Variants in MYO1C observed in about 807,000 individuals in gnomAD.
MYO1C encodes the protein unconventional myosin-Ic.
A neutral mutation model predicts 150.8 loss-of-function variants in MYO1C; 104 were observed. The observed-to-expected ratio is 0.69, with a 90% CI of 0.59 to 0.81. The LOEUF is 0.81. Ranked by LOEUF, MYO1C falls within the 30% of genes least tolerant of loss-of-function variation. The probability of loss-of-function intolerance (pLI) is 0.00; values close to 1 mark genes in which losing one functional copy is unlikely to be tolerated. For synonymous variants in MYO1C, 663 were observed against 579.9 expected (o/e 1.14, Z -2.06); for missense variants, 1,504 against 1,435.0 (o/e 1.05, Z -0.78).
In MYO1C at chr17:1,490,804, C is replaced by T. The variant is rs188729253; in HGVS notation, c.75+1609G>A. On this transcript the variant is annotated intron_variant, in intron 1 of 31. Coordinates refer to ENST00000648651, the MANE Select transcript of MYO1C (RefSeq NM_001080779.2). ...CTGCATTCCGATGTGCCAGATGGCC[C>T]GCTCCAGTCCCCTCTCCCCCCACCC... 1,111 of 150,216 alleles carry T rather than the reference C, an allele frequency of 7.4e-3. 8 individuals carry two copies. Among genetic ancestry groups the T allele is most frequent in the East Asian group, 0.011 (57 of 5,104 alleles). The allele number at this position is 150,216 out of a possible 1,614,324, so 9.3% of individuals were successfully genotyped here.
intron 17 of MYO1C, among the ~76,000 whole-genome samples, chr17:1,473,631 C>T (rs527272772): frequency 1.3e-5 from 2 of 152,290 alleles, no homozygotes; most frequent in East Asian, 3.9e-4. Context: ...GCCCAACAGC[C>T]GTACCTCCGC....
Position 1,464,404 on chromosome 17 carries a change from A to G in MYO1C, c.*1322T>C, listed in dbSNP as rs1372161411. The stretch of plus-strand genomic sequence containing the variant: ...ATGCCAGGGAGGGGTCAGGGGCCAG[A>G]AAAGGCCCTACATCCTTGAGTGGGG... On this transcript the variant is annotated 3_prime_UTR_variant, in exon 32 of 32. Transcript: ENST00000648651. 6.6e-6 allele frequency: 1 copy of G among 152,668 alleles called. No homozygotes were observed. Among genetic ancestry groups the G allele is most frequent in the Non-Finnish European group, 1.5e-5 (1 of 68,090 alleles). The allele number at this position is 152,668 out of a possible 1,614,324, so 9.5% of individuals were successfully genotyped here. A position where few individuals can be genotyped will look rare whatever the true frequency, so the allele number is the denominator to read the frequency against.
At position 1,470,676 on chromosome 17, in the gene MYO1C, T is replaced by C; in HGVS notation, c.2226A>G (p.Gln742=). ...VRRQSLATKI[Q]AAWRGFHWRQ... ...GCCAGTGAAAGCCCCTCCAGGCAGC[T>C]TGGATCTTTGTGGCTGCGGTTGGGA... Residue 742 remains glutamine (Q), a synonymous_variant, in exon 22 of 32, where the codon CAA becomes CAG. Transcript: ENST00000648651. The C allele has an allele frequency of 6.2e-7, 1 of 1,606,634 alleles. No homozygotes were observed. Among genetic ancestry groups the C allele is most frequent in the Non-Finnish European group, 8.5e-7 (1 of 1,179,572 alleles).
chr17:1,467,859 C>T lies in MYO1C; in HGVS notation c.2948G>A (p.Arg983His), dbSNP rs148704738. 1.4e-5 allele frequency: 23 copies of T among 1,608,160 alleles called. No homozygotes were observed. Among genetic ancestry groups the T allele is most frequent in the Middle Eastern group, 1.6e-4 (1 of 6,074 alleles). The change falls in exon 29 of 32, where the codon CGT becomes CAT. Residue 983 changes from arginine to histidine, a missense_variant. By Grantham distance (29) the Arg-to-His change is conservative. Transcript: ENST00000648651. Reference sequence around the variant, plus strand: ...AGGCACCTTTTGCTTATTGTCCGCACGCTGTACATGAAGCACAAAAAGACT... The same window carrying T: ...AGGCACCTTTTGCTTATTGTCCGCATGCTGTACATGAAGCACAAAAAGACT... ...SDSLFVLHVQRADNKQKGDVV... is the reference protein window; with the variant it reads ...SDSLFVLHVQHADNKQKGDVV...
intron 30 of MYO1C, 65 bp from the exon 31 acceptor site, chr17:1,467,406 C>A (rs1219141539): frequency 6.3e-7 from 1 of 1,595,528 alleles, no homozygotes; most frequent in East Asian, 2.3e-5. Flanking sequence ...AGGTGGACCC[C>A]CACCCTGTCC....
rs898963529 is a variant in MYO1C, at chr17:1,471,822, G to A, written c.2021+85C>T. ...GCATCCGCATTTCTAAAATGGGGCC[G>A]AGAACCCTTGTCTGCCCTCATGGGA... On this transcript the variant is annotated intron_variant, in intron 19 of 31. Coordinates refer to ENST00000648651, the MANE Select transcript of MYO1C (RefSeq NM_001080779.2). 2.5e-5 allele frequency: 35 copies of A among 1,426,240 alleles called. No individual in the cohort carries two copies. The African/African-American group carries it at 4.1e-4, about 17-fold the overall frequency. The allele number at this position is 1,426,240 out of a possible 1,614,324, so 88.3% of individuals were successfully genotyped here. A position where few individuals can be genotyped will look rare whatever the true frequency, so the allele number is the denominator to read the frequency against.
rs752968951 is a variant in MYO1C at position 1,480,529 on chromosome 17, C to T, written c.904G>A (p.Glu302Lys). The change falls in exon 7 of 32, where the codon GAG (glutamate) becomes AAG (lysine). Residue 302 changes from glutamate (E) to lysine (K), a missense_variant and splice_region_variant. Glu to Lys is a moderately conservative substitution (Grantham distance 56). Transcript: ENST00000648651. ...TVIDFTEDEV[E>K]DLLSIVASVL... ...GAGGGTCCCGGAAGAGGCCTCACCT[C>T]CACTTCATCCTCGGTGAAATCAATG... 3 of 1,612,576 alleles carry T rather than the reference C, an allele frequency of 1.9e-6. No homozygotes were observed. Among genetic ancestry groups the T allele is most frequent in the Non-Finnish European group, 2.5e-6 (3 of 1,178,700 alleles).
Position 1,479,543 on chromosome 17 carries a change from A to AC in MYO1C, c.1021-42_1021-41insG. Reference sequence around the variant, plus strand: ...GAGGACACGGTGAGGGTGCACCCCCAGCCCCCGCCCCCGCCGTCCTCCCGT... The same window carrying AC: ...GAGGACACGGTGAGGGTGCACCCCCACGCCCCCGCCCCCGCCGTCCTCCCGT... On this transcript the variant is annotated intron_variant, in intron 8 of 31. Coordinates refer to ENST00000648651, the MANE Select transcript of MYO1C (RefSeq NM_001080779.2). This position sits in a 1 kb window ranked among gnomAD's most constrained non-coding sequence, Gnocchi z 4.2. 2.9e-5 allele frequency: 28 copies of AC among 955,528 alleles called. No individual in the cohort carries two copies. The highest frequency in any genetic ancestry group is 4.0e-5 in the Non-Finnish European group (24 of 605,982). The allele number at this position is 955,528 out of a possible 1,614,324, so 59.2% of individuals were successfully genotyped here. A position where few individuals can be genotyped will look rare whatever the true frequency, so the allele number is the denominator to read the frequency against.
intron 17 of MYO1C, among the ~76,000 whole-genome samples, chr17:1,473,493 GCA>G (rs35817739): frequency 0.056 from 8,588 of 152,162 alleles, 361 homozygotes; most frequent in Admixed American, 0.13. Flanking sequence ...GCGGGCAGGG[GCA>G]CAGTGAGCCA....
chr17:1,470,572 C>A, intron 22 of MYO1C, 49 bp downstream of exon 22: 3 of 1,580,152 alleles, frequency 1.9e-6, no homozygotes, highest in South Asian at 1.1e-5. Flanking sequence ...ATGGTGGCCC[C>A]CCCTGGCCCC....
rs961846672 is a variant in MYO1C, at chr17:1,478,194, T to G, written c.1296-2A>C. ...TAATTGATGCAGAACTGCTCAAAGC[T>G]GTAAGGAAGGAGAAGAGCCCACAGT... On this transcript the variant is annotated splice_acceptor_variant, in intron 11 of 31. Coordinates refer to ENST00000648651, the MANE Select transcript of MYO1C (RefSeq NM_001080779.2). LOFTEE classifies it high-confidence loss of function. The surrounding 1 kb of genome is among the most constrained non-coding windows in gnomAD (Gnocchi z 6.3). The G allele has an allele frequency of 6.2e-7, 1 of 1,613,382 alleles. No individual in the cohort carries two copies. The highest frequency in any genetic ancestry group is 1.3e-5 in the African/African-American group (1 of 74,916).
chr17:1,468,613 G>T, intron 25 of MYO1C, 117 bp from the exon 26 acceptor site: 1 of 809,566 alleles, frequency 1.2e-6, no homozygotes, highest in Non-Finnish European at 2.1e-6. Flanking sequence ...TCCCTCTCTG[G>T]CTCAGCACCA....
At chr17:1,469,053 C>T (rs1201883817) in intron 25 of MYO1C, 6 of 300,198 alleles carry the variant, frequency 2.0e-5, no homozygotes, top group South Asian at 9.3e-5. Context: ...ACTTCCTACA[C>T]GAGGCCCAGC....
At chr17:1,469,416 A>T (rs1407555578) in intron 25 of MYO1C, 115 bp downstream of exon 25, 2 of 1,021,254 alleles carry the variant, frequency 2.0e-6, no homozygotes, top group Non-Finnish European at 3.0e-6. Context: ...ATACGGTAGA[A>T]CGCGGTAAAT....
chr17:1,472,371 C>T (rs2074322889), intron 17 of MYO1C, 143 bp from the exon 18 acceptor site: 2 of 709,076 alleles, frequency 2.8e-6, no homozygotes, highest in East Asian at 5.4e-5. Flanking sequence ...ACCACAGCTT[C>T]CTCGCAGCAG....
chr17:1,468,335 G>T (rs1179203198), intron 26 of MYO1C, 27 bp from the exon 27 acceptor site: 7 of 1,613,984 alleles, frequency 4.3e-6, no homozygotes, highest in Non-Finnish European at 5.9e-6. Flanking sequence ...GGGGAGGGAA[G>T]TCAGTGGAGG....
intron 2 of MYO1C, 27 bp downstream of exon 2, chr17:1,484,121 C>A: frequency 1.2e-6 from 2 of 1,611,678 alleles, no homozygotes; most frequent in Non-Finnish European, 1.7e-6. Context: ...CCCCAGCACC[C>A]CTGCCATCTC....
Position 1,482,980 on chromosome 17 carries a change from C to G in MYO1C, c.427G>C (p.Gly143Arg), listed in dbSNP as rs755704168. 6.2e-7 allele frequency: 1 copy of G among 1,612,484 alleles called. No individual in the cohort carries two copies. Residue 143 changes from glycine (G) to arginine (R), a missense_variant, in exon 4 of 32, where the codon GGG (glycine) becomes CGG (arginine). Gly to Arg is a moderately radical substitution (Grantham distance 125). Coordinates refer to ENST00000648651, the MANE Select transcript of MYO1C (RefSeq NM_001080779.2). Reference protein sequence around the residue: ...DQAVMISGESGAGKTEATKRL... With the variant: ...DQAVMISGESRAGKTEATKRL... ...TTGGTGGCCTCGGTCTTGCCTGCCC[C>G]GCTCTCCCCAGAGATCATCACAGCC...
chr17:1,484,974 C>G (rs1164042449), intron 1 of MYO1C: 1 of 562,320 alleles, frequency 1.8e-6, no homozygotes, highest in Non-Finnish European at 3.1e-6. Flanking sequence ...GGGCCTCCCA[C>G]CCCAGCTGGG....
Sources: allele counts gnomAD v4.1 joint callset (sites outside exome capture counted in the v4.1 genomes callset), GRCh38; gene constraint gnomAD v4.1.1; non-coding constraint Gnocchi (gnomAD v3.1); transcripts MANE v1.5; gene names NCBI Gene and HGNC (gene_info 2026-07-23, HGNC 2026-07-21).